SPIRE1: variants seen among roughly 807,000 people sequenced by gnomAD.
The protein encoded by SPIRE1 is spire type actin nucleation factor 1, also known as protein spire homolog 1.
In SPIRE1, 40 loss-of-function variants were observed where a neutral mutation model predicts 94.1. That is an observed-to-expected ratio of 0.43 (90% CI 0.33 to 0.55). SPIRE1 has a LOEUF of 0.55. Among genes scored for constraint, SPIRE1 ranks in the 20% least tolerant of loss-of-function variants. The probability of loss-of-function intolerance (pLI) is 0.06; values close to 1 mark genes in which losing one functional copy is unlikely to be tolerated. For synonymous variants in SPIRE1, 376 were observed against 371.7 expected, an observed-to-expected ratio of 1.01 and a Z score of -0.13; for missense variants, 838 against 975.2, an observed-to-expected ratio of 0.86 and a Z score of 1.87.
intron 2 of SPIRE1, among the ~76,000 whole-genome samples, chr18:12,568,725 T>A (rs1211529753): frequency 3.3e-5 from 5 of 152,234 alleles, no homozygotes; most frequent in Non-Finnish European, 7.3e-5. Flanking sequence ...ATCTTCACAT[T>A]ATTTTATAAA....
intron 9 of SPIRE1, among the ~76,000 whole-genome samples, chr18:12,480,589 T>C (rs2032802659): frequency 6.6e-6 from 1 of 152,190 alleles, no homozygotes; most frequent in Non-Finnish European, 1.5e-5. Flanking sequence ...GTACAGGCAG[T>C]GAACAATAAA....
upstream of SPIRE1, chr18:12,661,864 C>T (rs1178488093): frequency 1.2e-5 from 2 of 165,172 alleles, no homozygotes; most frequent in Non-Finnish European, 2.6e-5. Flanking sequence ...TATTTTTACT[C>T]TATGACTTCA....
At chr18:12,579,408 T>A (rs541365891) in intron 2 of SPIRE1, among the ~76,000 whole-genome samples, 39 of 152,284 alleles carry the variant, frequency 2.6e-4, no homozygotes, top group Non-Finnish European at 1.3e-4. Flanking sequence ...ATTATATGAT[T>A]CCACTTACAT....
At chr18:12,525,025 C>T (rs2034465793) in intron 4 of SPIRE1, among the ~76,000 whole-genome samples, 1 of 150,878 alleles carries the variant, frequency 6.6e-6, no homozygotes, top group Non-Finnish European at 1.5e-5. Flanking sequence ...GCCTGTAATC[C>T]CAGCACTTTG....
At chr18:12,622,517 G>A (rs570719292) in intron 2 of SPIRE1, among the ~76,000 whole-genome samples, 13 of 143,274 alleles carry the variant, frequency 9.1e-5, no homozygotes, top group Admixed American at 7.5e-4. Flanking sequence ...CCGCCTCCCC[G>A]GTTCACGCCA....
chr18:12,563,866 C>A (rs1363264990), intron 2 of SPIRE1, among the ~76,000 whole-genome samples: 5 of 152,080 alleles, frequency 3.3e-5, no homozygotes, highest in Non-Finnish European at 7.4e-5. Context: ...TTTTTATGTA[C>A]AAAAGCATTC....
At chr18:12,619,846 A>T (rs1439292955) in intron 2 of SPIRE1, among the ~76,000 whole-genome samples, 1 of 107,742 alleles carries the variant, frequency 9.3e-6, no homozygotes, top group Non-Finnish European at 2.2e-5. Context: ...ACTCTGCCTC[A>T]GGAAAAAAAA....
chr18:12,658,069 G>C lies in SPIRE1; in HGVS notation c.-203C>G, dbSNP rs1188214453. Reference sequence around the variant, plus strand: ...CGGCGAGGACACGGCTGCAGTCCCGGTCAGACAGCCGCCGGCCGGTAGCGA... The same window carrying C: ...CGGCGAGGACACGGCTGCAGTCCCGCTCAGACAGCCGCCGGCCGGTAGCGA... On this transcript the variant is annotated 5_prime_UTR_variant, in exon 1 of 17. Transcript: ENST00000409402. 5.0e-6 allele frequency: 5 copies of C among 992,784 alleles called. No homozygotes were observed. Among genetic ancestry groups the C allele is most frequent in the Middle Eastern group, 5.1e-4 (1 of 1,942 alleles). The allele number at this position is 992,784 out of a possible 1,614,324, so 61.5% of individuals were successfully genotyped here.
chr18:12,654,301 C>T (rs1256123939), intron 1 of SPIRE1, among the ~76,000 whole-genome samples: 2 of 140,378 alleles, frequency 1.4e-5, no homozygotes, highest in Non-Finnish European at 3.0e-5. Context: ...TGCACCACTG[C>T]ACTCCAGCCT....
At chr18:12,633,516 C>A (rs1393251287) in intron 2 of SPIRE1, among the ~76,000 whole-genome samples, 2 of 150,596 alleles carry the variant, frequency 1.3e-5, no homozygotes, top group Non-Finnish European at 2.9e-5. Context: ...GTGGAGGTTG[C>A]AGTGAGCCAA....
chr18:12,527,903 A>AAAC, intron 4 of SPIRE1, among the ~76,000 whole-genome samples: 1 of 151,964 alleles, frequency 6.6e-6, no homozygotes, highest in East Asian at 1.9e-4. Context: ...CGTCTCTACT[A>AAAC]AAAATACAAA....
chr18:12,482,963 C>G (rs1016408900), intron 9 of SPIRE1, among the ~76,000 whole-genome samples: 2 of 127,320 alleles, frequency 1.6e-5, no homozygotes, highest in Admixed American at 8.8e-5. Flanking sequence ...TTTTTTGAGA[C>G]AGGGTCTCAT....
intron 4 of SPIRE1, among the ~76,000 whole-genome samples, chr18:12,524,331 A>C (rs1453981725): frequency 6.6e-6 from 1 of 152,160 alleles, no homozygotes; most frequent in Non-Finnish European, 1.5e-5. Flanking sequence ...GATTTCATTA[A>C]ATTTGGGGTA....
chr18:12,652,071 T>C (rs1165731601), intron 1 of SPIRE1, among the ~76,000 whole-genome samples: 1 of 152,226 alleles, frequency 6.6e-6, no homozygotes, highest in Non-Finnish European at 1.5e-5. Flanking sequence ...CAGACGGGTA[T>C]TTAAGTCCTG....
chr18:12,452,165 G>A (rs2031272344), intron 16 of SPIRE1, 90 bp downstream of exon 16: 16 of 1,505,546 alleles, frequency 1.1e-5, no homozygotes, highest in East Asian at 2.3e-5. Flanking sequence ...AAAACCCCTC[G>A]AGCCAAAACC....
intron 4 of SPIRE1, among the ~76,000 whole-genome samples, chr18:12,518,497 C>A (rs1264187910): frequency 6.8e-5 from 10 of 147,250 alleles, no homozygotes; most frequent in Admixed American, 1.4e-4. Context: ...GTCTCACACA[C>A]ACAAAAAAAA....
intron 3 of SPIRE1, among the ~76,000 whole-genome samples, chr18:12,544,384 T>C (rs1332283319): frequency 1.3e-5 from 2 of 151,658 alleles, no homozygotes; most frequent in Non-Finnish European, 2.9e-5. Context: ...TTTTTTTTTT[T>C]AGTAGAAACA....
At chr18:12,490,228 G>A (rs2033184212) in intron 8 of SPIRE1, among the ~76,000 whole-genome samples, 1 of 152,136 alleles carries the variant, frequency 6.6e-6, no homozygotes, top group Admixed American at 6.5e-5. Context: ...ACATAAAAAT[G>A]TTATTTAATT....
chr18:12,465,067 T>G, intron 10 of SPIRE1, 109 bp from the exon 11 acceptor site: 1 of 923,162 alleles, frequency 1.1e-6, no homozygotes, highest in Non-Finnish European at 1.6e-6. Flanking sequence ...CACCAAAGTA[T>G]GTCAAAGGTT....
Sources: allele counts gnomAD v4.1 joint callset (sites outside exome capture counted in the v4.1 genomes callset), GRCh38; gene constraint gnomAD v4.1.1; transcripts MANE v1.5; gene names NCBI Gene and HGNC (gene_info 2026-07-23, HGNC 2026-07-21).